The following CCDC22 variants were observed in gnomAD, a reference collection of about 807,000 sequenced individuals.
CCDC22 encodes CCC complex scaffolding subunit CCDC22, also known as coiled-coil domain-containing protein 22.
In CCDC22, 4 loss-of-function variants were observed where a neutral mutation model predicts 53.1. The ratio of observed to expected loss-of-function variants is 0.08; its 90% CI spans 0.04 to 0.17. The LOEUF (loss-of-function observed/expected upper bound fraction) is 0.17. Ranked by LOEUF, CCDC22 falls within the 10% of genes least tolerant of loss-of-function variation. CCDC22 has a pLI of 1.00. For missense variants in CCDC22, 458 were observed against 554.0 expected (o/e 0.83, Z 1.74); for synonymous variants, 222 against 224.4 (o/e 0.99, Z 0.10).
rs782795543 is a variant in CCDC22 at position 49,246,198 on chromosome X, C to A, written c.715-533C>A. ...TGTTGGCCAGGCTGGTCTTGATCTC[C>A]TGACCTCAGGTGATCTACCTACCTT... is the stretch of plus-strand genomic sequence containing the variant. On this transcript the variant is annotated intron_variant, in intron 6 of 16. Coordinates refer to ENST00000376227, the MANE Select transcript of CCDC22 (RefSeq NM_014008.5). 3.6e-5 allele frequency among the ~76,000 whole-genome samples: 4 copies of A among 111,702 alleles called. No homozygotes were observed. The East Asian group carries it at 1.1e-3, about 32-fold the overall frequency.
At position 49,248,423 on chromosome X, in the gene CCDC22, G is replaced by C; in HGVS notation, c.1229G>C (p.Ser410Thr). The C allele has an allele frequency of 1.7e-6, 2 of 1,210,516 alleles. No homozygotes were observed. The change falls in exon 11 of 17, where the codon AGT (serine) becomes ACT (threonine). Residue 410 changes from serine to threonine, a missense_variant. Around this residue, in one of 4 missense-constraint regions of CCDC22, gnomAD observed 309 missense variants for 312.3 expected, o/e 0.99. Coordinates refer to ENST00000376227, the MANE Select transcript of CCDC22 (RefSeq NM_014008.5). ...LAKLQLVVEN[S>T]AQRVIHLAGQ... ...CCCCACCAGCTTGTGGTGGAGAATA[G>C]TGCCCAGCGGGTCATCCACTTGGCG...
chrX:49,243,869 A>G (rs1473093032), intron 6 of CCDC22, among the ~76,000 whole-genome samples: 2 of 111,300 alleles, frequency 1.8e-5, no homozygotes, highest in Non-Finnish European at 3.8e-5. Context: ...GCACACTGCA[A>G]CCTCCATCTC....
rs1253411346 is a variant in CCDC22, at chrX:49,247,568, G to C, written c.972+10G>C. The C allele has an allele frequency of 3.4e-6, 4 of 1,193,711 alleles. No homozygotes were observed. The African/African-American group carries it at 5.3e-5, about 16-fold the overall frequency. ...CCGGCGGCCTGAACAGGTGAGCAGA[G>C]TGGTTTGGAGGGGGGTGTCCCAGGC... On this transcript the variant is annotated intron_variant, in intron 8 of 16. Transcript: ENST00000376227.
At chrX:49,242,254 G>A (rs1182236712) in intron 3 of CCDC22, 106 bp downstream of exon 3, 3 of 1,136,935 alleles carry the variant, frequency 2.6e-6, no homozygotes, top group East Asian at 6.3e-5. Flanking sequence ...TGATGGGTAG[G>A]GGTGGCGGTA....
rs1557114997 is a variant in CCDC22 at position 49,249,490 on chromosome X, G to A, written c.1636-19G>A. 8.3e-7 allele frequency: 1 copy of A among 1,205,726 alleles called. No homozygotes were observed. Among genetic ancestry groups the A allele is most frequent in the African/African-American group, 1.7e-5 (1 of 57,509 alleles). On this transcript the variant is annotated intron_variant, in intron 14 of 16. Coordinates refer to ENST00000376227, the MANE Select transcript of CCDC22 (RefSeq NM_014008.5). ...AAGGGCAGCCCACTGATACCTTTGA[G>A]GTCCCTGTGTCTGGTCAGGATGCCA...
Position 49,250,421 on chromosome X carries a change from G to A in CCDC22, c.*160G>A, listed in dbSNP as rs1212485747. The A allele has an allele frequency of 1.8e-5, 9 of 509,960 alleles. No individual in the cohort carries two copies. Among genetic ancestry groups the A allele is most frequent in the South Asian group, 7.5e-5 (3 of 39,940 alleles). The allele number at this position is 509,960 out of a possible 1,213,427, so 42.0% of individuals were successfully genotyped here. ...CCCACTGACCGCAACCCTTATATGG[G>A]GTGATAGTCCAGCATGTGGGGAGCT... On this transcript the variant is annotated 3_prime_UTR_variant, in exon 17 of 17. Coordinates refer to ENST00000376227, the MANE Select transcript of CCDC22 (RefSeq NM_014008.5).
Position 49,247,743 on chromosome X carries a change from A to G in CCDC22, c.1067A>G (p.Lys356Arg), listed in dbSNP as rs781948154. Residue 356 changes from lysine to arginine, a missense_variant, in exon 9 of 17, where the codon AAG becomes AGG. Transcript: ENST00000376227. Reference protein sequence around the residue: ...RSIEEVEADMKTLGVSFVQAE... With the variant: ...RSIEEVEADMRTLGVSFVQAE... The stretch of plus-strand genomic sequence containing the variant: ...ATTGAGGAGGTTGAGGCCGACATGA[A>G]GACCCTGGGCGTCAGCTTTGTGCAG... 2.1e-5 allele frequency: 26 copies of G among 1,209,582 alleles called. No homozygotes were observed. The highest frequency in any genetic ancestry group is 1.1e-6 in the Non-Finnish European group (1 of 894,923).
chrX:49,243,056 C>T (rs782735673), intron 4 of CCDC22, 62 bp from the exon 5 acceptor site: 14 of 1,155,905 alleles, frequency 1.2e-5, no homozygotes, highest in South Asian at 1.9e-5. Context: ...GTTTTGGCCC[C>T]CTACCCCTGG....
intron 2 of CCDC22, among the ~76,000 whole-genome samples, chrX:49,238,560 A>G (rs2147935022): frequency 8.9e-6 from 1 of 112,751 alleles, no homozygotes; most frequent in African/African-American, 3.2e-5. Flanking sequence ...TGTCTCTGTG[A>G]CAGAATAAAT....
In CCDC22 at chrX:49,243,402, G is replaced by A. The variant is rs1557113718; in HGVS notation, c.654G>A (p.Thr218=). Residue 218 remains threonine (T), a synonymous_variant, in exon 6 of 17, where the codon ACG becomes ACA. Transcript: ENST00000376227. Reference sequence around the variant, plus strand: ...ATGCCCTGCAGCTCTGCCAGCAGACGGGCCGGGACCGGCCAGGGGATGAGG... The same window carrying A: ...ATGCCCTGCAGCTCTGCCAGCAGACAGGCCGGGACCGGCCAGGGGATGAGG... The part of the protein sequence containing the change: ...EHHALQLCQQ[T]GRDRPGDEDW... 1 of 1,204,283 alleles carries A rather than the reference G, an allele frequency of 8.3e-7. No homozygotes were observed. The highest frequency in any genetic ancestry group is 1.1e-6 in the Non-Finnish European group (1 of 891,671).
rs782353768 is a variant in CCDC22 at position 49,239,369 on chromosome X, TGAGTTAATGTGTGA to T, written c.228+2107_228+2120del. 3.6e-4 allele frequency: 177 copies of T among 487,934 alleles called. 2 individuals are homozygous for T. The African/African-American group carries it at 4.2e-3, about 11-fold the overall frequency. 40.2% of individuals were successfully genotyped at this position (487,934 alleles called of 1,213,427 possible). On this transcript the variant is annotated intron_variant, in intron 2 of 16. Transcript: ENST00000376227. ...ATAGGGTTGCTGTGAGGATTAAACATGAGTTAATGTGTGAAAAGCTGGTTATAATAAGCTTTGCA... is the reference window on the plus strand; with the variant it reads ...ATAGGGTTGCTGTGAGGATTAAACATAAAGCTGGTTATAATAAGCTTTGCA...
At position 49,248,686 on chromosome X, in the gene CCDC22, G is replaced by A; in HGVS notation, c.1383G>A (p.Arg461=). 1 of 1,211,052 alleles carries A rather than the reference G, an allele frequency of 8.3e-7. No homozygotes were observed. Among genetic ancestry groups the A allele is most frequent in the South Asian group, 1.8e-5 (1 of 56,862 alleles). ...AEIQELHQSV[R]AAAEEARRKE... ...TCCAAGAACTGCACCAGAGTGTCCGGGCGGCTGCTGAAGAGGCCCGCAGGA... is the reference window on the plus strand; with the variant it reads ...TCCAAGAACTGCACCAGAGTGTCCGAGCGGCTGCTGAAGAGGCCCGCAGGA... The change falls in exon 12 of 17, where the codon CGG becomes CGA. Residue 461 remains arginine, a synonymous_variant. Coordinates refer to ENST00000376227, the MANE Select transcript of CCDC22 (RefSeq NM_014008.5).
At chrX:49,240,647 G>A (rs1205333370) in intron 2 of CCDC22, among the ~76,000 whole-genome samples, 1 of 111,905 alleles carries the variant, frequency 8.9e-6, no homozygotes, top group African/African-American at 3.3e-5. Context: ...TAATCCAGCT[G>A]TGTGCTGTCC....
At chrX:49,245,341 C>T (rs782463634) in intron 6 of CCDC22, among the ~76,000 whole-genome samples, 4 of 111,599 alleles carry the variant, frequency 3.6e-5, no homozygotes, top group Non-Finnish European at 7.5e-5. Context: ...TCTGTCTTCA[C>T]CTCTGTGTCT....
chrX:49,246,267 C>T (rs1482757248), intron 6 of CCDC22, among the ~76,000 whole-genome samples: 2 of 112,197 alleles, frequency 1.8e-5, no homozygotes, highest in Non-Finnish European at 3.8e-5. Context: ...CCACTGTACC[C>T]GGCCAACAAT....
intron 3 of CCDC22, 48 bp downstream of exon 3, chrX:49,242,196 G>A: frequency 8.3e-7 from 1 of 1,204,400 alleles, no homozygotes; most frequent in Non-Finnish European, 1.1e-6. Flanking sequence ...GGAGAGGAGG[G>A]CCTTCTAGGG....
Position 49,248,499 on chromosome X carries a change from C to G in CCDC22, c.1305C>G (p.Leu435=), listed in dbSNP as rs2066003690. 8.3e-7 allele frequency: 1 copy of G among 1,209,871 alleles called. No homozygotes were observed. The change falls in exon 11 of 17, where the codon CTC becomes CTG. Residue 435 remains leucine, a synonymous_variant. Coordinates refer to ENST00000376227, the MANE Select transcript of CCDC22 (RefSeq NM_014008.5). ...CACTCCTCGCTGAGTACCGCCACCT[C>G]CGAAAGCTGCAGGATTGCAGAGAGG... is the stretch of plus-strand genomic sequence containing the variant. The part of the protein sequence containing the change: ...RVPLLAEYRH[L]RKLQDCRELE...
chrX:49,247,802 A>G (rs1261591441), intron 9 of CCDC22, 34 bp downstream of exon 9: 1 of 1,205,601 alleles, frequency 8.3e-7, no homozygotes, highest in Non-Finnish European at 1.1e-6. Flanking sequence ...GCGTTGGGCT[A>G]GGTCAGAAGG....
chrX:49,246,605 T>C, intron 6 of CCDC22, 126 bp from the exon 7 acceptor site: 2 of 532,478 alleles, frequency 3.8e-6, no homozygotes, highest in Non-Finnish European at 5.9e-6. Flanking sequence ...CCTGCCTTAG[T>C]GGGAAGGCTG....
Sources: allele counts gnomAD v4.1 joint callset (sites outside exome capture counted in the v4.1 genomes callset), GRCh38; gene constraint gnomAD v4.1.1; regional missense constraint gnomAD v4.1.1; transcripts MANE v1.5; gene names NCBI Gene and HGNC (gene_info 2026-07-23, HGNC 2026-07-21).